The following EFTUD2 variants were observed in gnomAD, a reference collection of about 807,000 sequenced individuals.
EFTUD2 encodes the protein 116 kDa U5 small nuclear ribonucleoprotein component.
EFTUD2 carries 9 observed loss-of-function variants against 114.3 expected under a neutral mutation model. The ratio of observed to expected loss-of-function variants is 0.08; its 90% CI spans 0.05 to 0.14. The LOEUF is 0.14. Ranked by LOEUF, EFTUD2 falls within the 10% of genes least tolerant of loss-of-function variation. The pLI, the probability that EFTUD2 is intolerant of heterozygous loss-of-function variation, is 1.00. For synonymous variants in EFTUD2, 449 were observed against 462.3 expected, an observed-to-expected ratio of 0.97 and a Z score of 0.37; for missense variants, 765 against 1,241.2, an observed-to-expected ratio of 0.62 and a Z score of 5.76.
At chr17:44,871,495 C>A (rs148847974) in intron 11 of EFTUD2, among the ~76,000 whole-genome samples, 2 of 151,970 alleles carry the variant, frequency 1.3e-5, no homozygotes, top group East Asian at 3.9e-4. Context: ...CCCGCCACCA[C>A]GCCTGGCTAA....
intron 2 of EFTUD2, among the ~76,000 whole-genome samples, chr17:44,887,725 G>C (rs1264213329): frequency 6.6e-6 from 1 of 152,118 alleles, no homozygotes; most frequent in Non-Finnish European, 1.5e-5. Flanking sequence ...TTTTTTCTGA[G>C]ATAATGGAAA....
intron 16 of EFTUD2, among the ~76,000 whole-genome samples, chr17:44,861,432 G>GAAAAA (rs35487111): frequency 1.0e-5 from 1 of 100,208 alleles, no homozygotes; most frequent in Non-Finnish European, 2.0e-5. Context: ...CTGACAGAGA[G>GAAAAA]AAAAAAAAAA....
rs2050517015 is a variant in EFTUD2, at chr17:44,854,776, C to T, written c.2133-94G>A. On this transcript the variant is annotated intron_variant, in intron 21 of 27. Transcript: ENST00000426333. The surrounding 1 kb of genome is among the most constrained non-coding windows in gnomAD (Gnocchi z 4.3). ...CTCCCTTCCTGGAAGACAGTCACTT[C>T]ATCCTACCCACTGTGCCCAGAACAA... The T allele has an allele frequency of 6.3e-7, 1 of 1,577,450 alleles. No homozygotes were observed. The highest frequency in any genetic ancestry group is 8.7e-7 in the Non-Finnish European group (1 of 1,156,046).
intron 11 of EFTUD2, among the ~76,000 whole-genome samples, chr17:44,871,343 A>ATT (rs1194051362): frequency 4.8e-5 from 6 of 125,148 alleles, no homozygotes; most frequent in Non-Finnish European, 8.6e-5. Flanking sequence ...CTGAACTTCA[A>ATT]TTTTTTTTTT....
chr17:44,891,292 C>A (rs2051273831), intron 2 of EFTUD2, among the ~76,000 whole-genome samples: 1 of 152,182 alleles, frequency 6.6e-6, no homozygotes, highest in Non-Finnish European at 1.5e-5. Flanking sequence ...AACAGCAGAG[C>A]TCTCACAGCA....
At chr17:44,887,504 T>C (rs1178393387) in intron 2 of EFTUD2, among the ~76,000 whole-genome samples, 1 of 152,190 alleles carries the variant, frequency 6.6e-6, no homozygotes, top group Admixed American at 6.5e-5. Flanking sequence ...AAAATACCTA[T>C]ACTTGCTATA....
intron 11 of EFTUD2, among the ~76,000 whole-genome samples, chr17:44,872,198 T>C (rs1430764132): frequency 9.9e-5 from 15 of 152,222 alleles, no homozygotes; most frequent in Admixed American, 9.8e-4. Context: ...GGAGAGACTT[T>C]TATTCCTAAA....
At chr17:44,858,280 T>A (rs551041329) in intron 19 of EFTUD2, among the ~76,000 whole-genome samples, 1 of 152,218 alleles carries the variant, frequency 6.6e-6, no homozygotes, top group East Asian at 1.9e-4. Context: ...CTGTCACCCA[T>A]GCTAGGGTGC....
chr17:44,897,530 G>A (rs965257731), intron 1 of EFTUD2, among the ~76,000 whole-genome samples: 3 of 152,122 alleles, frequency 2.0e-5, no homozygotes, highest in African/African-American at 7.2e-5. Context: ...AACTGTTTTT[G>A]CATGGTCCTC....
In EFTUD2 at chr17:44,886,771, G is replaced by C. The variant is rs774639471; in HGVS notation, c.106-21C>G. ...TCCATCTGAAAGCAAGAGGGAGAGG[G>C]AGAATCGAAGAGGCACACGCTTTTC... On this transcript the variant is annotated intron_variant, in intron 2 of 27. Coordinates refer to ENST00000426333, the MANE Select transcript of EFTUD2 (RefSeq NM_004247.4). 3 of 1,603,948 alleles carry C rather than the reference G, an allele frequency of 1.9e-6. No homozygotes were observed. In the Admixed American group the frequency reaches 5.2e-5, roughly 28 times the overall value.
intron 6 of EFTUD2, 64 bp downstream of exon 6, chr17:44,883,029 G>A (rs2051100743): frequency 1.7e-5 from 26 of 1,505,354 alleles, no homozygotes; most frequent in Non-Finnish European, 2.2e-5. Context: ...AAGGAAGGAG[G>A]AGAGAGACAT....
chr17:44,881,429 TCTC>T lies in EFTUD2; in HGVS notation c.528+255_528+257del, dbSNP rs3217522. 0.049 allele frequency among the ~76,000 whole-genome samples: 7,427 copies of T among 152,314 alleles called. 306 individuals are homozygous for T. Among genetic ancestry groups the T allele is most frequent in the South Asian group, 0.17 (805 of 4,828 alleles). ...AATGCAGACATCGCCTCTTAGTACTTCTCCTATATTAGGCCAAATTTAATCTAG... is the reference window on the plus strand; with the variant it reads ...AATGCAGACATCGCCTCTTAGTACTTCTATATTAGGCCAAATTTAATCTAG... On this transcript the variant is annotated intron_variant, in intron 7 of 27. Transcript: ENST00000426333.
chr17:44,872,935 C>T (rs1236943635), intron 10 of EFTUD2: 1 of 155,822 alleles, frequency 6.4e-6, no homozygotes, highest in South Asian at 1.9e-4. Flanking sequence ...TTCACAAATA[C>T]AAGCAGACAT....
intron 1 of EFTUD2, among the ~76,000 whole-genome samples, chr17:44,897,207 C>T (rs1395640140): frequency 7.6e-6 from 1 of 131,570 alleles, no homozygotes; most frequent in East Asian, 2.2e-4. Flanking sequence ...CAGAGAGAGA[C>T]TCCGTCTCAA....
chr17:44,854,314 G>C lies in EFTUD2; in HGVS notation c.2302C>G (p.Gln768Glu). ...TCCCTGGTTCCCCACTGGAAACCTT[G>C]AACGATGCTGTCCTTCACTGAACCA... is the stretch of plus-strand genomic sequence containing the variant. ...LLGSVKDSIVQGFQWGTREGP... is the reference protein window; with the variant it reads ...LLGSVKDSIVEGFQWGTREGP... Residue 768 changes from glutamine to glutamate, a missense_variant, in exon 23 of 28, where the codon CAA becomes GAA. This residue lies in a region of EFTUD2 where 166 missense variants were observed against 401.5 expected (regional missense o/e 0.41). Transcript: ENST00000426333. This position sits in a 1 kb window ranked among gnomAD's most constrained non-coding sequence, Gnocchi z 4.3. 6.2e-7 allele frequency: 1 copy of C among 1,614,042 alleles called. No individual in the cohort carries two copies. The highest frequency in any genetic ancestry group is 8.5e-7 in the Non-Finnish European group (1 of 1,179,984).
In EFTUD2 at chr17:44,853,491, G is replaced by A. The variant is rs78620114; in HGVS notation, c.2466+26C>T. 0.12 allele frequency: 194,333 copies of A among 1,612,494 alleles called. 12,230 individuals carry two copies. Among genetic ancestry groups the A allele is most frequent in the East Asian group, 0.14 (6,397 of 44,816 alleles). On this transcript the variant is annotated intron_variant, in intron 24 of 27. Transcript: ENST00000426333. ...TAGTCCCCTGTCCAGTGAAGCAGAT[G>A]GTCCCCTACCGCCCCATTCTCTTAC...
Position 44,867,861 on chromosome 17 carries a change from G to T in EFTUD2, c.1095C>A (p.Ser365=). ...AGATAAACTCCACGAAACTTCTCTGGGAGCTGCTAGTTGGGGCCTTTTTGG... is the reference window on the plus strand; with the variant it reads ...AGATAAACTCCACGAAACTTCTCTGTGAGCTGCTAGTTGGGGCCTTTTTGG... The part of the protein sequence containing the change: ...KFTKKAPTSS[S]QRSFVEFILE... Residue 365 remains serine, a synonymous_variant, in exon 13 of 28, where the codon TCC becomes TCA. Transcript: ENST00000426333. The T allele has an allele frequency of 5.0e-6, 8 of 1,605,196 alleles. 1 individual carries two copies. The highest frequency in any genetic ancestry group is 6.8e-6 in the Non-Finnish European group (8 of 1,175,698).
intron 6 of EFTUD2, 107 bp from the exon 7 acceptor site, chr17:44,881,829 G>T: frequency 9.6e-7 from 1 of 1,045,952 alleles, no homozygotes; most frequent in Non-Finnish European, 1.5e-6. Flanking sequence ...GTTTCTTTGA[G>T]ATTAAAGAGA....
intron 10 of EFTUD2, among the ~76,000 whole-genome samples, chr17:44,873,857 C>T (rs1190957102): frequency 2.7e-5 from 4 of 150,788 alleles, no homozygotes; most frequent in Non-Finnish European, 4.4e-5. Flanking sequence ...TCAGCCTCCT[C>T]AGTAGCTGGG....
Sources: gnomAD v4.1 joint callset for allele counts (sites outside exome capture counted in the v4.1 genomes callset) on GRCh38, gnomAD v4.1.1 for gene constraint, gnomAD v4.1.1 regional missense constraint, Gnocchi (gnomAD v3.1) non-coding constraint, MANE v1.5 for transcripts, NCBI Gene and HGNC (gene_info 2026-07-23, HGNC 2026-07-21) for gene names.